GRIK1: variants seen among roughly 807,000 people sequenced by gnomAD.
The protein encoded by GRIK1 is glutamate receptor ionotropic, kainate 1.
A neutral mutation model predicts 105.7 loss-of-function variants in GRIK1; 69 were observed. The observed-to-expected ratio is 0.65, with a 90% confidence interval of 0.54 to 0.80. GRIK1 has a LOEUF of 0.80. GRIK1 is among the 30% of genes least tolerant of loss of function. GRIK1 has a pLI of 0.00. For missense variants in GRIK1, 1,109 were observed against 1,167.3 expected, an observed-to-expected ratio of 0.95 and a Z score of 0.73; for synonymous variants, 438 against 431.3, an observed-to-expected ratio of 1.02 and a Z score of -0.19.
intron 1 of GRIK1, among the ~76,000 whole-genome samples, chr21:29,796,594 G>GT (rs1005171039): frequency 6.6e-6 from 1 of 152,108 alleles, no homozygotes; most frequent in South Asian, 2.1e-4. Flanking sequence ...CAGCGTATCT[G>GT]TTTTTTTCTT....
intron 3 of GRIK1, among the ~76,000 whole-genome samples, chr21:29,673,894 A>G (rs1427922487): frequency 2.0e-5 from 3 of 152,136 alleles, no homozygotes; most frequent in Non-Finnish European, 4.4e-5. Context: ...TTGATTTACC[A>G]CAGGTGTGGA....
At chr21:29,846,449 GAAGGAA>G (rs149861920) in intron 1 of GRIK1, among the ~76,000 whole-genome samples, 5,960 of 132,928 alleles carry the variant, frequency 0.045, 201 homozygotes, top group African/African-American at 0.095. Flanking sequence ...AAGAAGGAAA[GAAGGAA>G]AGAGAGAGAG....
At chr21:29,609,128 T>C (rs2061678182) in intron 7 of GRIK1, among the ~76,000 whole-genome samples, 1 of 149,658 alleles carries the variant, frequency 6.7e-6, no homozygotes, top group Non-Finnish European at 1.5e-5. Flanking sequence ...TAAAAAGGTA[T>C]TATTAAATAA....
intron 1 of GRIK1, among the ~76,000 whole-genome samples, chr21:29,720,775 A>G (rs1234681310): frequency 6.6e-6 from 1 of 152,166 alleles, no homozygotes; most frequent in Admixed American, 6.6e-5. Context: ...ACACTCCGTT[A>G]ACATTACAAG....
chr21:29,741,640 G>T (rs879520068), intron 1 of GRIK1, among the ~76,000 whole-genome samples: 1 of 152,190 alleles, frequency 6.6e-6, no homozygotes, highest in Non-Finnish European at 1.5e-5. Context: ...CATATTTCTT[G>T]AAGGATACAT....
chr21:29,902,467 A>G (rs139846762), intron 1 of GRIK1, among the ~76,000 whole-genome samples: 2,943 of 152,338 alleles, frequency 0.019, 45 homozygotes, highest in Non-Finnish European at 0.031. Context: ...TACAAAATCA[A>G]TGTGCAAAAA....
chr21:29,541,214 C>A (rs531874350), intron 16 of GRIK1, among the ~76,000 whole-genome samples: 1 of 152,194 alleles, frequency 6.6e-6, no homozygotes, highest in African/African-American at 2.4e-5. Flanking sequence ...GATCCACCCC[C>A]CTTGGCCTTG....
chr21:29,894,623 A>G (rs1601965517), intron 1 of GRIK1, among the ~76,000 whole-genome samples: 1 of 152,144 alleles, frequency 6.6e-6, no homozygotes, highest in African/African-American at 2.4e-5. Context: ...CCCAGAAACA[A>G]TACTTTGCGT....
At chr21:29,759,773 T>A (rs2065460299) in intron 1 of GRIK1, among the ~76,000 whole-genome samples, 1 of 152,198 alleles carries the variant, frequency 6.6e-6, no homozygotes, top group Non-Finnish European at 1.5e-5. Context: ...ATTTGTCCAT[T>A]ATACAAAGCT....
chr21:29,616,332 T>C (rs555829264), intron 7 of GRIK1, among the ~76,000 whole-genome samples: 4 of 152,354 alleles, frequency 2.6e-5, no homozygotes, highest in East Asian at 1.9e-4. Flanking sequence ...AATAGTAATG[T>C]ACTTTTTCTT....
chr21:29,934,357 A>C (rs908665860), intron 1 of GRIK1, among the ~76,000 whole-genome samples: 2 of 152,210 alleles, frequency 1.3e-5, no homozygotes, highest in Non-Finnish European at 2.9e-5. Flanking sequence ...TAGTACACAC[A>C]GTGAAAGGGG....
rs114637946 is a variant in GRIK1 at position 29,668,499 on chromosome 21, C to T, written c.726+4484G>A. 3.6e-3 allele frequency among the ~76,000 whole-genome samples: 553 copies of T among 152,248 alleles called. 8 individuals carry two copies. The highest frequency in any genetic ancestry group is 0.013 in the African/African-American group (526 of 41,522). ...AAAGGATGCCTCTGAAATGGAGCATCGGATACTGGAGGCCAGCAAGAGGAG... is the reference window on the plus strand; with the variant it reads ...AAAGGATGCCTCTGAAATGGAGCATTGGATACTGGAGGCCAGCAAGAGGAG... On this transcript the variant is annotated intron_variant, in intron 4 of 17. Coordinates refer to ENST00000327783, the MANE Select transcript of GRIK1 (RefSeq NM_001330994.2).
chr21:29,866,186 C>T (rs2068796005), intron 1 of GRIK1, among the ~76,000 whole-genome samples: 1 of 152,078 alleles, frequency 6.6e-6, no homozygotes, highest in South Asian at 2.1e-4. Context: ...CCATCTCAGC[C>T]TCTGGAGTAG....
intron 1 of GRIK1, among the ~76,000 whole-genome samples, chr21:29,870,125 G>A (rs532524141): frequency 2.7e-4 from 41 of 152,216 alleles, no homozygotes; most frequent in Non-Finnish European, 4.0e-4. Flanking sequence ...ATTGAGCATT[G>A]TGTATTTTAC....
At chr21:29,540,567 A>G (rs1253362863) in intron 16 of GRIK1, among the ~76,000 whole-genome samples, 3 of 152,084 alleles carry the variant, frequency 2.0e-5, no homozygotes, top group Admixed American at 6.6e-5. Context: ...TTCAGCCCAG[A>G]GTGGCTTGGG....
At chr21:29,601,527 T>C (rs183199479) in intron 7 of GRIK1, among the ~76,000 whole-genome samples, 2 of 152,332 alleles carry the variant, frequency 1.3e-5, no homozygotes, top group East Asian at 3.9e-4. Context: ...ACCGCTCCCC[T>C]ATGCACAGCC....
intron 1 of GRIK1, among the ~76,000 whole-genome samples, chr21:29,809,701 C>T (rs1454924191): frequency 6.6e-6 from 1 of 152,198 alleles, no homozygotes; most frequent in Non-Finnish European, 1.5e-5. Flanking sequence ...TGCAAGAGGC[C>T]TAGCTTTCCG....
chr21:29,843,149 G>A (rs2068026120), intron 1 of GRIK1, among the ~76,000 whole-genome samples: 1 of 152,074 alleles, frequency 6.6e-6, no homozygotes, highest in Admixed American at 6.6e-5. Flanking sequence ...GTAGGCTCAC[G>A]TTGTCAAAGT....
chr21:29,582,715 G>A (rs2091049111), intron 12 of GRIK1, among the ~76,000 whole-genome samples: 1 of 152,094 alleles, frequency 6.6e-6, no homozygotes, highest in African/African-American at 2.4e-5. Context: ...GAAGCTCAAC[G>A]AAGTGATCTG....
Sources: allele counts gnomAD v4.1 joint callset (sites outside exome capture counted in the v4.1 genomes callset), GRCh38; gene constraint gnomAD v4.1.1; transcripts MANE v1.5; gene names NCBI Gene and HGNC (gene_info 2026-07-23, HGNC 2026-07-21).